HERC1: variants seen among roughly 807,000 people sequenced by gnomAD.
HERC1 encodes the protein HECT and RLD domain containing E3 ubiquitin protein ligase family member 1.
In HERC1, 160 loss-of-function variants were observed where a neutral mutation model predicts 554.3. The ratio of observed to expected loss-of-function variants is 0.29; its 90% CI spans 0.25 to 0.33. The LOEUF (loss-of-function observed/expected upper bound fraction) is 0.33. HERC1 is among the 10% of genes least tolerant of loss of function. The pLI, the probability that HERC1 is intolerant of heterozygous loss-of-function variation, is 1.00. For missense variants in HERC1, 4,919 were observed against 5,918.5 expected (o/e 0.83, Z 5.54); for synonymous variants, 2,175 against 2,131.7 (o/e 1.02, Z -0.56).
chr15:63,769,983 T>C (rs1256066257), intron 2 of HERC1, among the ~76,000 whole-genome samples: 1 of 152,250 alleles, frequency 6.6e-6, no homozygotes, highest in Admixed American at 6.5e-5. Flanking sequence ...AGACATAAGA[T>C]TAGACGGAGT....
intron 65 of HERC1, 44 bp downstream of exon 65, chr15:63,635,917 G>C: frequency 2.5e-6 from 4 of 1,588,254 alleles, no homozygotes; most frequent in East Asian, 2.2e-5. Context: ...TCAACAACTA[G>C]TATATTTACA....
intron 14 of HERC1, 68 bp downstream of exon 14, chr15:63,732,856 A>G: frequency 9.3e-7 from 1 of 1,072,482 alleles, no homozygotes; most frequent in Admixed American, 2.1e-5. Context: ...TTTAAATGTC[A>G]AAATACCTTG....
At position 63,678,154 on chromosome 15, in the gene HERC1, T is replaced by C. The variant is rs139821091; in HGVS notation, c.6761A>G (p.Lys2254Arg). Residue 2254 changes from lysine (K) to arginine (R), a missense_variant, in exon 37 of 78, where the codon AAG becomes AGG. Lys to Arg is a conservative substitution (Grantham distance 26). Transcript: ENST00000443617. The part of the protein sequence containing the change: ...IKICIKESGQ[K>R]LKKSRSVQSR... ...CTGAACCGAGCGGCTTTTCTTTAGCTTCTGACCTGACTCTTTAATACATAT... is the reference window on the plus strand; with the variant it reads ...CTGAACCGAGCGGCTTTTCTTTAGCCTCTGACCTGACTCTTTAATACATAT... The C allele has an allele frequency of 3.1e-6, 5 of 1,613,994 alleles. No homozygotes were observed. In the East Asian group the frequency reaches 1.1e-4, roughly 36 times the overall value.
rs186610416 is a variant in HERC1, at chr15:63,718,986, A to T, written c.3743-89T>A. The T allele has an allele frequency of 1.0e-5, 8 of 793,322 alleles. No homozygotes were observed. In the Admixed American group the frequency reaches 2.2e-4, roughly 22 times the overall value. 49.1% of individuals were successfully genotyped at this position (793,322 alleles called of 1,614,324 possible). ...TATAGCTTTAGTCATCCAACACCTG[A>T]ATTTTATCATCTTTCTAAACTGTTA... On this transcript the variant is annotated intron_variant, in intron 19 of 77. Coordinates refer to ENST00000443617, the MANE Select transcript of HERC1 (RefSeq NM_003922.4). The surrounding 1 kb of genome is among the most constrained non-coding windows in gnomAD (Gnocchi z 4.2).
intron 36 of HERC1, 72 bp downstream of exon 36, chr15:63,679,999 ATTATAT>A: frequency 1.0e-6 from 1 of 971,608 alleles, no homozygotes; most frequent in Non-Finnish European, 1.5e-6. Flanking sequence ...GAAATAGCTT[ATTATAT>A]TTATAAACTC....
chr15:63,653,003 G>A (rs569173863), intron 51 of HERC1, among the ~76,000 whole-genome samples: 1 of 152,292 alleles, frequency 6.6e-6, no homozygotes, highest in Admixed American at 6.5e-5. Flanking sequence ...CTTATTTGAA[G>A]TATAGCTTTA....
chr15:63,715,448 C>T (rs1025528827), intron 22 of HERC1, among the ~76,000 whole-genome samples: 1 of 152,220 alleles, frequency 6.6e-6, no homozygotes, highest in Non-Finnish European at 1.5e-5. Context: ...TATTTTCCTT[C>T]CCCATCTCCA....
chr15:63,661,405 T>G (rs189126158), intron 45 of HERC1, among the ~76,000 whole-genome samples: 3 of 152,204 alleles, frequency 2.0e-5, no homozygotes, highest in Non-Finnish European at 4.4e-5. Flanking sequence ...GTCTGTTTTT[T>G]TCATCAGGAA....
intron 12 of HERC1, among the ~76,000 whole-genome samples, chr15:63,745,620 C>T (rs2075027222): frequency 6.6e-6 from 1 of 152,218 alleles, no homozygotes; most frequent in Admixed American, 6.5e-5. Context: ...CATACTGCCA[C>T]TGCTGCAGGG....
At chr15:63,643,129 C>A in intron 58 of HERC1, 71 bp from the exon 59 acceptor site, 1 of 1,078,220 alleles carries the variant, frequency 9.3e-7, no homozygotes, top group Non-Finnish European at 1.4e-6. Context: ...ATTTCTATTT[C>A]ACATTGACAA....
chr15:63,703,777 T>C (rs1468758407), intron 25 of HERC1, among the ~76,000 whole-genome samples: 3 of 152,016 alleles, frequency 2.0e-5, no homozygotes, highest in Non-Finnish European at 4.4e-5. Context: ...TAGTGGCATG[T>C]GCCTGCAGTC....
chr15:63,665,864 T>A, intron 42 of HERC1, 55 bp downstream of exon 42: 1 of 1,288,458 alleles, frequency 7.8e-7, no homozygotes. Flanking sequence ...ATATAATAAA[T>A]GGGGCTTTGA....
intron 1 of HERC1, among the ~76,000 whole-genome samples, chr15:63,824,479 A>G (rs376187990): frequency 1.3e-4 from 20 of 150,410 alleles, no homozygotes; most frequent in African/African-American, 4.9e-4. Flanking sequence ...GGTTGCAGTG[A>G]GCTGAGATCA....
rs539473860 is a variant in HERC1, at chr15:63,784,893, G to A, written c.-26-9244C>T. On this transcript the variant is annotated intron_variant, in intron 1 of 77. Transcript: ENST00000443617. ...CCCAAAGTGCTGGGATTACAGGCGT[G>A]AGCCTCTGCCCCTGGCCTATCAGTG... Among the ~76,000 whole-genome samples the A allele has an allele frequency of 3.9e-5, 6 of 152,216 alleles. No homozygotes were observed. In the South Asian group the frequency reaches 8.3e-4, roughly 21 times the overall value.
intron 12 of HERC1, among the ~76,000 whole-genome samples, chr15:63,745,961 G>C (rs2075039059): frequency 6.6e-6 from 1 of 151,992 alleles, no homozygotes; most frequent in South Asian, 2.1e-4. Flanking sequence ...TGTTGATTTT[G>C]TCTTTTCAAA....
chr15:63,676,258 GAGAGGAAAGGTCGAC>G (rs1472416928), intron 37 of HERC1, among the ~76,000 whole-genome samples: 1 of 152,142 alleles, frequency 6.6e-6, no homozygotes, highest in Non-Finnish European at 1.5e-5. Flanking sequence ...GGCAAAGAAT[GAGAGGAAAGGTCGAC>G]ACTTGCATGT....
In HERC1 at chr15:63,734,950, T is replaced by A; in HGVS notation, c.2521-101A>T. ...ACTGACTACTAGGATCATGTAAGTC[T>A]AAAAAAGATGGCATGATAAAAAAGA... is the stretch of plus-strand genomic sequence containing the variant. On this transcript the variant is annotated intron_variant, in intron 12 of 77. Transcript: ENST00000443617. The surrounding 1 kb of genome is among the most constrained non-coding windows in gnomAD (Gnocchi z 4.6). 2.1e-6 allele frequency: 2 copies of A among 971,014 alleles called. No individual in the cohort carries two copies. The highest frequency in any genetic ancestry group is 3.0e-6 in the Non-Finnish European group (2 of 667,888). The allele number at this position is 971,014 out of a possible 1,614,324, so 60.1% of individuals were successfully genotyped here.
At chr15:63,672,473 A>T in intron 39 of HERC1, 23 bp downstream of exon 39, 6 of 1,539,694 alleles carry the variant, frequency 3.9e-6, no homozygotes, top group Non-Finnish European at 5.3e-6. Context: ...AGTATGGCAG[A>T]CATTAAAGGT....
chr15:63,629,610 G>A (rs942790515), intron 69 of HERC1, among the ~76,000 whole-genome samples: 3 of 152,292 alleles, frequency 2.0e-5, no homozygotes, highest in South Asian at 2.1e-4. Flanking sequence ...ATCACGTCAC[G>A]GCACTGCCAG....
Sources: gnomAD v4.1 joint callset for allele counts (sites outside exome capture counted in the v4.1 genomes callset) on GRCh38, gnomAD v4.1.1 for gene constraint, Gnocchi (gnomAD v3.1) non-coding constraint, MANE v1.5 for transcripts, NCBI Gene and HGNC (gene_info 2026-07-23, HGNC 2026-07-21) for gene names.